The following IL1RL1 variants were observed in gnomAD, a reference collection of about 807,000 sequenced individuals.
The protein encoded by IL1RL1 is interleukin-1 receptor-like 1.
In IL1RL1, 32 loss-of-function variants were observed where a neutral mutation model predicts 50.9. That is an observed-to-expected ratio of 0.63 (90% confidence interval 0.47 to 0.84). IL1RL1 has a LOEUF of 0.84. Among genes scored for constraint, IL1RL1 ranks in the 40% least tolerant of loss-of-function variants. IL1RL1 has a pLI of 0.00. For missense variants in IL1RL1, 773 were observed against 662.9 expected, an observed-to-expected ratio of 1.17 and a Z score of -1.82; for synonymous variants, 275 against 236.0, an observed-to-expected ratio of 1.17 and a Z score of -1.51.
intron 1 of IL1RL1, among the ~76,000 whole-genome samples, chr2:102,323,546 G>A (rs1676900851): frequency 6.6e-6 from 1 of 152,088 alleles, no homozygotes; most frequent in African/African-American, 2.4e-5. Flanking sequence ...GGAAGGTTAA[G>A]GGGAGGTGGC....
intron 1 of IL1RL1, chr2:102,337,394 A>T (rs1270275796): frequency 6.6e-6 from 1 of 152,242 alleles, no homozygotes; most frequent in Non-Finnish European, 1.5e-5. Flanking sequence ...ATAATTCATG[A>T]TTGTGTTTAT....
intron 1 of IL1RL1, among the ~76,000 whole-genome samples, chr2:102,317,116 A>G (rs1394195073): frequency 1.2e-4 from 18 of 152,182 alleles, no homozygotes; most frequent in Non-Finnish European, 1.5e-5. Flanking sequence ...GCACTTTGGG[A>G]GGCCGAGGCA....
intron 1 of IL1RL1, among the ~76,000 whole-genome samples, chr2:102,316,837 G>T (rs562788174): frequency 5.2e-4 from 79 of 152,210 alleles, no homozygotes; most frequent in South Asian, 1.9e-3. Context: ...CCAAAGAAGA[G>T]TTCTTGTAAT....
At chr2:102,335,970 T>A (rs1677308720) in intron 1 of IL1RL1, among the ~76,000 whole-genome samples, 1 of 152,154 alleles carries the variant, frequency 6.6e-6, no homozygotes, top group Admixed American at 6.5e-5. Context: ...GAACATCTCA[T>A]GGTCAATCTC....
chr2:102,330,132 A>G (rs1245190470), intron 1 of IL1RL1, among the ~76,000 whole-genome samples: 1 of 152,254 alleles, frequency 6.6e-6, no homozygotes, highest in Admixed American at 6.5e-5. Context: ...AATGTGGTAC[A>G]TGTACACCAT....
At position 102,351,711 on chromosome 2, in the gene IL1RL1, G is replaced by C; in HGVS notation, c.1461G>C (p.Glu487Asp). Residue 487 changes from glutamate to aspartate, a missense_variant, in exon 11 of 11, where the codon GAG becomes GAC. Coordinates refer to ENST00000233954, the MANE Select transcript of IL1RL1 (RefSeq NM_016232.5). Reference protein sequence around the residue: ...VILIEMEALSELDMLQAEALQ... With the variant: ...VILIEMEALSDLDMLQAEALQ... ...TTATTGAGATGGAGGCTCTGAGCGA[G>C]CTGGACATGCTGCAGGCTGAGGCGC... is the stretch of plus-strand genomic sequence containing the variant. 1 of 1,614,140 alleles carries C rather than the reference G, an allele frequency of 6.2e-7. No homozygotes were observed. The highest frequency in any genetic ancestry group is 8.5e-7 in the Non-Finnish European group (1 of 1,180,020).
At chr2:102,338,486 G>C (rs1365512224) in intron 2 of IL1RL1, among the ~76,000 whole-genome samples, 161 bp downstream of exon 2, 1 of 152,086 alleles carries the variant, frequency 6.6e-6, no homozygotes, top group Admixed American at 6.6e-5. Flanking sequence ...AAATCTATCA[G>C]AAGAAATTCT....
chr2:102,323,038 T>A (rs1404541723), intron 1 of IL1RL1, among the ~76,000 whole-genome samples: 1 of 152,182 alleles, frequency 6.6e-6, no homozygotes. Context: ...AGTATTTCCT[T>A]CCTTTTCATT....
At chr2:102,350,946 A>T (rs551361776) in intron 10 of IL1RL1, among the ~76,000 whole-genome samples, 2 of 152,318 alleles carry the variant, frequency 1.3e-5, no homozygotes, top group South Asian at 4.1e-4. Flanking sequence ...AATTGGAATC[A>T]CCATGGTGTC....
intron 10 of IL1RL1, among the ~76,000 whole-genome samples, chr2:102,349,687 T>G (rs999640695): frequency 5.3e-5 from 8 of 152,208 alleles, no homozygotes; most frequent in African/African-American, 1.7e-4. Flanking sequence ...TTTATGTTGG[T>G]GAAACATTTG....
chr2:102,348,157 C>T, intron 9 of IL1RL1, 66 bp downstream of exon 9: 2 of 1,289,208 alleles, frequency 1.6e-6, no homozygotes, highest in Non-Finnish European at 2.2e-6. Context: ...GGTTACCTGT[C>T]TATTAATCTT....
At chr2:102,325,735 T>C (rs1453056598) in intron 1 of IL1RL1, among the ~76,000 whole-genome samples, 1 of 152,174 alleles carries the variant, frequency 6.6e-6, no homozygotes. Flanking sequence ...TTTGATCAAC[T>C]GGAAGAAAGG....
At chr2:102,350,475 C>T (rs1677896991) in intron 10 of IL1RL1, among the ~76,000 whole-genome samples, 1 of 152,374 alleles carries the variant, frequency 6.6e-6, no homozygotes, top group South Asian at 2.1e-4. Context: ...CTGACCTTTC[C>T]TCAACCAAAA....
intron 1 of IL1RL1, among the ~76,000 whole-genome samples, chr2:102,314,802 G>A (rs1490299284): frequency 6.6e-6 from 1 of 152,204 alleles, no homozygotes; most frequent in African/African-American, 2.4e-5. Flanking sequence ...CCAGAGAGGA[G>A]CTGACTGCAA....
In IL1RL1 at chr2:102,326,955, A is replaced by C. The variant is rs573975213; in HGVS notation, c.-149-11161A>C. Among the ~76,000 whole-genome samples, 5 of 152,328 alleles carry C rather than the reference A, an allele frequency of 3.3e-5. 1 individual carries two copies. Among genetic ancestry groups the C allele is most frequent in the African/African-American group, 1.2e-4 (5 of 41,566 alleles). On this transcript the variant is annotated intron_variant, in intron 1 of 10. Transcript: ENST00000233954. ...CATTAGACAGATCAACGAGACAGAA[A>C]GTTAACAAGGATATCCAGGAGTTGA...
chr2:102,337,463 A>T (rs1677368671), intron 1 of IL1RL1: 1 of 152,206 alleles, frequency 6.6e-6, no homozygotes, highest in Non-Finnish European at 1.5e-5. Flanking sequence ...TTAAGAAAAG[A>T]AGTAAGAAAG....
At chr2:102,343,518 CT>C in intron 8 of IL1RL1, 103 bp downstream of exon 8, 1 of 1,600,394 alleles carries the variant, frequency 6.2e-7, no homozygotes, top group South Asian at 1.1e-5. Context: ...TGGGAATGGC[CT>C]GTGCCATAAA....
intron 1 of IL1RL1, among the ~76,000 whole-genome samples, chr2:102,336,522 G>A (rs1027899071): frequency 6.6e-6 from 1 of 152,170 alleles, no homozygotes; most frequent in African/African-American, 2.4e-5. Flanking sequence ...TCATGATAGG[G>A]TCATCGCAAC....
Position 102,343,970 on chromosome 2 carries a change from T to C in IL1RL1, c.970+555T>C, listed in dbSNP as rs1677686505. On this transcript the variant is annotated intron_variant, in intron 8 of 10. Coordinates refer to ENST00000233954, the MANE Select transcript of IL1RL1 (RefSeq NM_016232.5). ...TTGTTAGGCCATTCTTGCATTGATA[T>C]AAAGAAATACCTGAGACTGGGTGAT... 4.6e-6 allele frequency: 4 copies of C among 876,170 alleles called. No homozygotes were observed. The South Asian group carries it at 1.5e-4, about 34-fold the overall frequency. The allele number at this position is 876,170 out of a possible 1,614,324, so 54.3% of individuals were successfully genotyped here.
Sources: gnomAD v4.1 joint callset for allele counts (sites outside exome capture counted in the v4.1 genomes callset) on GRCh38, gnomAD v4.1.1 for gene constraint, MANE v1.5 for transcripts, NCBI Gene and HGNC (gene_info 2026-07-23, HGNC 2026-07-21) for gene names.